Variants in STK32B observed in about 807,000 individuals in gnomAD.
STK32B encodes the protein serine/threonine kinase 32B.
STK32B carries 43 observed loss-of-function variants against 52.6 expected under a neutral mutation model. The observed-to-expected ratio is 0.82, with a 90% CI of 0.64 to 1.05. The LOEUF (loss-of-function observed/expected upper bound fraction) is 1.05. STK32B is among the 50% of genes least tolerant of loss of function. The pLI is 0.00. For missense variants in STK32B, 621 were observed against 534.6 expected (o/e 1.16, Z -1.59); for synonymous variants, 238 against 204.3 (o/e 1.17, Z -1.41).
chr4:5,156,056 A>C (rs1717805854), intron 2 of STK32B, among the ~76,000 whole-genome samples: 1 of 151,984 alleles, frequency 6.6e-6, no homozygotes, highest in South Asian at 2.1e-4. Flanking sequence ...AAACACATAC[A>C]GTACACATAT....
chr4:5,495,222 G>A (rs373419333), intron 11 of STK32B, among the ~76,000 whole-genome samples: 2 of 152,144 alleles, frequency 1.3e-5, no homozygotes, highest in African/African-American at 2.4e-5. Flanking sequence ...CCAATCAGAC[G>A]TAGATTTGGT....
chr4:5,070,680 G>C (rs563159365), intron 1 of STK32B, among the ~76,000 whole-genome samples: 9 of 149,878 alleles, frequency 6.0e-5, no homozygotes, highest in South Asian at 2.1e-4. Context: ...AAAGACACAA[G>C]TAAGAAAGGA....
intron 1 of STK32B, among the ~76,000 whole-genome samples, chr4:5,087,945 A>G (rs1279477108): frequency 6.6e-6 from 1 of 152,074 alleles, no homozygotes; most frequent in Non-Finnish European, 1.5e-5. Flanking sequence ...ATGAACTATA[A>G]CTGATGGACA....
chr4:5,183,907 G>A (rs1316601435), intron 3 of STK32B, among the ~76,000 whole-genome samples: 1 of 152,130 alleles, frequency 6.6e-6, no homozygotes, highest in Non-Finnish European at 1.5e-5. Context: ...AAGAGAGTTG[G>A]GAACTTGCTC....
At chr4:5,257,030 G>GATGAATAAGTGAATGAGTGA (rs1560265712) in intron 3 of STK32B, among the ~76,000 whole-genome samples, 1 of 151,898 alleles carries the variant, frequency 6.6e-6, no homozygotes, top group Non-Finnish European at 1.5e-5. Flanking sequence ...TGAATGAGTG[G>GATGAATAAGTGAATGAGTGA]ATGAATAAGT....
Position 5,469,500 on chromosome 4 carries a change from G to A in STK32B, c.1106+1430G>A, listed in dbSNP as rs1457732849. Among the ~76,000 whole-genome samples the A allele has an allele frequency of 6.6e-6, 1 of 152,234 alleles. No homozygotes were observed. Among genetic ancestry groups the A allele is most frequent in the Non-Finnish European group, 1.5e-5 (1 of 68,042 alleles). On this transcript the variant is annotated intron_variant, in intron 11 of 11. Transcript: ENST00000282908. The surrounding 1 kb of genome is among the most constrained non-coding windows in gnomAD (Gnocchi z 4.7). ...AAGGAAGACAGCATGGCTGCCGCAG[G>A]GCCTAGAGAGTGAGGAGAGGTGAGG... is the stretch of plus-strand genomic sequence containing the variant.
chr4:5,038,782 T>C, the STK32B span, among the ~76,000 whole-genome samples: 2 of 152,220 alleles, frequency 1.3e-5, no homozygotes, highest in African/African-American at 2.4e-5. Flanking sequence ...GACTGTATTA[T>C]ACTTTAGATT....
intron 3 of STK32B, among the ~76,000 whole-genome samples, chr4:5,298,223 C>G (rs1351623915): frequency 6.6e-6 from 1 of 152,176 alleles, no homozygotes; most frequent in African/African-American, 2.4e-5. Context: ...GTCTGTCGAC[C>G]CCTGCTGCGA....
chr4:5,425,892 G>A (rs1189742077), intron 6 of STK32B, among the ~76,000 whole-genome samples: 2 of 152,144 alleles, frequency 1.3e-5, no homozygotes, highest in African/African-American at 4.8e-5. Context: ...ACAGCCTTTT[G>A]AATGTGGCTT....
Position 5,159,647 on chromosome 4 carries a change from ATATGAATATATATATGAATG to A in STK32B, c.109-8648_109-8629del, listed in dbSNP as rs1560186139. On this transcript the variant is annotated intron_variant, in intron 2 of 11. Transcript: ENST00000282908. Reference sequence around the variant, plus strand: ...TATATATGAATATATATATGAATGTATATGAATATATATATGAATGTATATGAATATATATATGAATATAT... The same window carrying A: ...TATATATGAATATATATATGAATGTATATATGAATATATATATGAATATAT... 5.6e-4 allele frequency among the ~76,000 whole-genome samples: 56 copies of A among 100,062 alleles called. 3 individuals are homozygous for A. The highest frequency in any genetic ancestry group is 2.0e-3 in the African/African-American group (37 of 18,934). 65.6% of individuals were successfully genotyped at this position (100,062 alleles called of 152,430 possible). A position where few individuals can be genotyped will look rare whatever the true frequency, so the allele number is the denominator to read the frequency against.
intron 11 of STK32B, among the ~76,000 whole-genome samples, chr4:5,488,599 G>C (rs1342349429): frequency 1.3e-5 from 2 of 152,046 alleles, no homozygotes; most frequent in Admixed American, 6.6e-5. Context: ...GACTCACATA[G>C]ACCATGCATG....
intron 4 of STK32B, among the ~76,000 whole-genome samples, chr4:5,361,456 C>T (rs188644053): frequency 3.9e-5 from 6 of 152,264 alleles, no homozygotes; most frequent in Non-Finnish European, 8.8e-5. Context: ...GCTGCAGCCT[C>T]GACCTCCCAG....
At position 5,294,717 on chromosome 4, in the gene STK32B, A is replaced by G. The variant is rs527817261; in HGVS notation, c.261-36503A>G. Among the ~76,000 whole-genome samples, 28 of 152,278 alleles carry G rather than the reference A, an allele frequency of 1.8e-4. No homozygotes were observed. The East Asian group carries it at 5.0e-3, about 27-fold the overall frequency. On this transcript the variant is annotated intron_variant, in intron 3 of 11. Transcript: ENST00000282908. ...TAAATATACAATCATGTCATCTGCA[A>G]ACAGAGACAATTTGACTTCCTCTAT...
At chr4:5,115,073 A>C (rs1459480616) in intron 1 of STK32B, among the ~76,000 whole-genome samples, 2 of 152,166 alleles carry the variant, frequency 1.3e-5, no homozygotes, top group African/African-American at 4.8e-5. Context: ...ATAATAGTGA[A>C]ATTATGACTT....
At chr4:5,140,141 A>G in intron 2 of STK32B, 181 bp downstream of exon 2, 2 of 1,428,838 alleles carry the variant, frequency 1.4e-6, no homozygotes, top group East Asian at 2.5e-5. Flanking sequence ...TTCTTCTGGA[A>G]ATTAAATTAC....
intron 3 of STK32B, among the ~76,000 whole-genome samples, chr4:5,188,941 A>G (rs1720962593): frequency 6.6e-6 from 1 of 152,064 alleles, no homozygotes; most frequent in African/African-American, 2.4e-5. Flanking sequence ...GCAGCAAACC[A>G]ACATGGCACA....
At chr4:5,176,566 C>T (rs1259776296) in intron 3 of STK32B, among the ~76,000 whole-genome samples, 1 of 151,488 alleles carries the variant, frequency 6.6e-6, no homozygotes, top group Admixed American at 6.6e-5. Flanking sequence ...TCCTCAAACT[C>T]CCAAGTAGCT....
rs984613004 is a variant in STK32B at position 5,429,695 on chromosome 4, T to C, written c.562+12761T>C. ...CTTTGTGTAGCTTCAATTTTCTAGC[T>C]GTTATTATATTCATTCTACCTGGAG... On this transcript the variant is annotated intron_variant, in intron 6 of 11. Transcript: ENST00000282908. 3.3e-5 allele frequency among the ~76,000 whole-genome samples: 5 copies of C among 152,188 alleles called. No individual in the cohort carries two copies. The East Asian group carries it at 9.6e-4, about 29-fold the overall frequency.
rs1742095852 is a variant in STK32B, at chr4:5,058,568, TTTTG to T, written c.52+6665_52+6668del. On this transcript the variant is annotated intron_variant, in intron 1 of 11. Transcript: ENST00000282908. This position sits in a 1 kb window ranked among gnomAD's most constrained non-coding sequence, Gnocchi z 4.8. Reference sequence around the variant, plus strand: ...TCTTTTCCCATCTTTTTTTGTTTTGTTTTGTTTGTTTGTTTTTGAGACAGGGTCT... The same window carrying T: ...TCTTTTCCCATCTTTTTTTGTTTTGTTTTGTTTGTTTTTGAGACAGGGTCT... 1.3e-5 allele frequency among the ~76,000 whole-genome samples: 2 copies of T among 151,962 alleles called. No individual in the cohort carries two copies. Among genetic ancestry groups the T allele is most frequent in the Non-Finnish European group, 2.9e-5 (2 of 67,984 alleles).
Sources: gnomAD v4.1 joint callset for allele counts (sites outside exome capture counted in the v4.1 genomes callset) on GRCh38, gnomAD v4.1.1 for gene constraint, Gnocchi (gnomAD v3.1) non-coding constraint, MANE v1.5 for transcripts, NCBI Gene and HGNC (gene_info 2026-07-23, HGNC 2026-07-21) for gene names.